The following SHROOM3 variants were observed in gnomAD, a reference collection of about 807,000 sequenced individuals.
SHROOM3 encodes the protein protein Shroom3.
SHROOM3 carries 47 observed loss-of-function variants against 138.6 expected under a neutral mutation model. The ratio of observed to expected loss-of-function variants is 0.34; its 90% CI spans 0.27 to 0.43. SHROOM3 has a LOEUF of 0.43. Among genes scored for constraint, SHROOM3 ranks in the 20% least tolerant of loss-of-function variants. SHROOM3 has a pLI of 1.00. For synonymous variants in SHROOM3, 1,062 were observed against 1,063.3 expected (o/e 1.00, Z 0.02); for missense variants, 2,491 against 2,596.5 (o/e 0.96, Z 0.88).
At chr4:76,556,317 G>A (rs1252767722) in intron 2 of SHROOM3, among the ~76,000 whole-genome samples, 3 of 152,300 alleles carry the variant, frequency 2.0e-5, no homozygotes, top group African/African-American at 4.8e-5. Flanking sequence ...CCAACCCTTC[G>A]TGGAGGAAAT....
rs766511419 is a variant in SHROOM3, at chr4:76,710,201, C to T, written c.369C>T (p.Asn123=). 22 of 1,614,086 alleles carry T rather than the reference C, an allele frequency of 1.4e-5. No individual in the cohort carries two copies. In the Admixed American group the frequency reaches 3.7e-4, roughly 27 times the overall value. Residue 123 remains asparagine (N), a synonymous_variant, in exon 3 of 11, where the codon AAC becomes AAT. Coordinates refer to ENST00000296043, the MANE Select transcript of SHROOM3 (RefSeq NM_020859.4). The part of the protein sequence containing the change: ...DPGHADTGAS[N]FVSPEHLTSG... ...GCCATGCAGATACTGGTGCCTCTAA[C>T]TTCGTCAGCCCAGAACACCTCACCT...
chr4:76,517,318 C>T (rs1018018191), intron 1 of SHROOM3, among the ~76,000 whole-genome samples: 12 of 152,130 alleles, frequency 7.9e-5, no homozygotes, highest in Admixed American at 2.0e-4. Flanking sequence ...AGGCAAATCA[C>T]CTGGACTATC....
At chr4:76,446,369 G>A (rs1730805352) in intron 1 of SHROOM3, among the ~76,000 whole-genome samples, 1 of 150,908 alleles carries the variant, frequency 6.6e-6, no homozygotes, top group Non-Finnish European at 1.5e-5. Context: ...GTGTGCAACA[G>A]TCAGTCAACT....
At chr4:76,611,268 CTCTT>C (rs535023159) in intron 2 of SHROOM3, among the ~76,000 whole-genome samples, 1 of 151,950 alleles carries the variant, frequency 6.6e-6, no homozygotes, top group Non-Finnish European at 1.5e-5. Flanking sequence ...CTCTCTCTCT[CTCTT>C]AAAGTCTGCG....
intron 1 of SHROOM3, among the ~76,000 whole-genome samples, chr4:76,555,189 G>A (rs759232605): frequency 2.1e-4 from 32 of 152,078 alleles, no homozygotes; most frequent in East Asian, 9.7e-4. Context: ...CACCCCATCC[G>A]TGGAAAAATT....
chr4:76,618,393 A>G (rs1033547357), intron 2 of SHROOM3, among the ~76,000 whole-genome samples: 1 of 152,222 alleles, frequency 6.6e-6, no homozygotes, highest in Non-Finnish European at 1.5e-5. Context: ...TCATTCCTCA[A>G]ATATTTTTTG....
chr4:76,741,091 C>G lies in SHROOM3; in HGVS notation c.2918C>G (p.Ala973Gly). Reference protein sequence around the residue: ...SAHVGLRSPEASASASPHTPR... With the variant: ...SAHVGLRSPEGSASASPHTPR... Reference sequence around the variant, plus strand: ...CACGTGGGGCTGCGGAGCCCCGAGGCGTCGGCCTCCGCCTCCCCGCACACG... The same window carrying G: ...CACGTGGGGCTGCGGAGCCCCGAGGGGTCGGCCTCCGCCTCCCCGCACACG... Residue 973 changes from alanine to glycine, a missense_variant, in exon 5 of 11, where the codon GCG (alanine) becomes GGG (glycine). This residue lies in a region of SHROOM3 where 1,733 missense variants were observed against 1,661.6 expected (regional missense o/e 1.04). Coordinates refer to ENST00000296043, the MANE Select transcript of SHROOM3 (RefSeq NM_020859.4). This position sits in a 1 kb window ranked among gnomAD's most constrained non-coding sequence, Gnocchi z 6.2. 6.5e-7 allele frequency: 1 copy of G among 1,544,124 alleles called. No homozygotes were observed. Among genetic ancestry groups the G allele is most frequent in the Non-Finnish European group, 8.7e-7 (1 of 1,144,652 alleles).
At chr4:76,689,542 C>CGGTG (rs1719446884) in intron 2 of SHROOM3, 1 of 984,162 alleles carries the variant, frequency 1.0e-6, no homozygotes, top group South Asian at 4.7e-5. Context: ...CGCGGTGGCG[C>CGGTG]GGTGGCGCAG....
At chr4:76,437,247 C>G (rs1469420211) in intron 1 of SHROOM3, among the ~76,000 whole-genome samples, 2 of 151,484 alleles carry the variant, frequency 1.3e-5, no homozygotes, top group Non-Finnish European at 2.9e-5. Flanking sequence ...CCTTAACTTT[C>G]TTAAGTAAAA....
intron 2 of SHROOM3, among the ~76,000 whole-genome samples, chr4:76,702,903 T>C (rs1027179949): frequency 6.6e-6 from 1 of 152,184 alleles, no homozygotes; most frequent in Non-Finnish European, 1.5e-5. Context: ...CTATCCACCC[T>C]TTCCTCATCT....
intron 3 of SHROOM3, among the ~76,000 whole-genome samples, chr4:76,726,683 C>T (rs777567993): frequency 1.6e-4 from 24 of 151,850 alleles, no homozygotes; most frequent in African/African-American, 5.1e-4. Context: ...GTGGGGACTA[C>T]AGGTGGATGC....
At chr4:76,628,171 A>C (rs947877503) in intron 2 of SHROOM3, among the ~76,000 whole-genome samples, 1 of 152,216 alleles carries the variant, frequency 6.6e-6, no homozygotes, top group African/African-American at 2.4e-5. Flanking sequence ...GATATAAAAA[A>C]ATTATAGAGT....
chr4:76,655,671 T>G (rs1736051578), intron 2 of SHROOM3, among the ~76,000 whole-genome samples: 1 of 152,166 alleles, frequency 6.6e-6, no homozygotes, highest in African/African-American at 2.4e-5. Flanking sequence ...GCTGCCCAAT[T>G]TACTTATATT....
intron 2 of SHROOM3, among the ~76,000 whole-genome samples, chr4:76,656,206 G>A (rs1736063338): frequency 2.0e-5 from 3 of 152,106 alleles, no homozygotes; most frequent in Non-Finnish European, 2.9e-5. Context: ...TGGTACCAGA[G>A]CCCCTCACCA....
intron 2 of SHROOM3, among the ~76,000 whole-genome samples, chr4:76,670,549 T>C (rs1324004982): frequency 6.6e-6 from 1 of 152,242 alleles, no homozygotes; most frequent in African/African-American, 2.4e-5. Context: ...TTGAATTGTA[T>C]ACTTTTTTTT....
intron 1 of SHROOM3, among the ~76,000 whole-genome samples, chr4:76,548,057 C>T (rs1443447409): frequency 2.0e-5 from 3 of 148,952 alleles, no homozygotes; most frequent in Non-Finnish European, 4.5e-5. Context: ...AGGAAAGGCC[C>T]CCTCTGGAAG....
At chr4:76,518,460 C>G (rs551931407) in intron 1 of SHROOM3, among the ~76,000 whole-genome samples, 7 of 151,860 alleles carry the variant, frequency 4.6e-5, no homozygotes, top group Non-Finnish European at 8.8e-5. Context: ...TCTTTCCCCT[C>G]CCCCCTCCTT....
chr4:76,529,145 G>GA (rs1223446730), intron 1 of SHROOM3, among the ~76,000 whole-genome samples: 1 of 152,070 alleles, frequency 6.6e-6, no homozygotes, highest in East Asian at 1.9e-4. Flanking sequence ...GAAACCATGG[G>GA]AAAAATTCAG....
At position 76,755,153 on chromosome 4, in the gene SHROOM3, C is replaced by A. The variant is rs61741132; in HGVS notation, c.4670C>A (p.Ala1557Glu). The A allele has an allele frequency of 2.4e-5, 39 of 1,612,922 alleles. No individual in the cohort carries two copies. Among genetic ancestry groups the A allele is most frequent in the Non-Finnish European group, 3.1e-5 (36 of 1,179,800 alleles). Residue 1557 changes from alanine to glutamate, a missense_variant, in exon 7 of 11, where the codon GCG becomes GAG. Transcript: ENST00000296043. ...CCTCCTCCCCACACTGTATGTGAGG[C>A]GCAGCTGGACAGTGAGGATCCCGAG... ...PPPPPHTVCEAQLDSEDPEGP... is the reference protein window; with the variant it reads ...PPPPPHTVCEEQLDSEDPEGP...
Sources: allele counts gnomAD v4.1 joint callset (sites outside exome capture counted in the v4.1 genomes callset), GRCh38; gene constraint gnomAD v4.1.1; regional missense constraint gnomAD v4.1.1; non-coding constraint Gnocchi (gnomAD v3.1); transcripts MANE v1.5; gene names NCBI Gene and HGNC (gene_info 2026-07-23, HGNC 2026-07-21).